The following LRRTM4 variants were observed in gnomAD, a reference collection of about 807,000 sequenced individuals.
LRRTM4 encodes the protein leucine rich repeat transmembrane neuronal 4.
LRRTM4 carries 25 observed loss-of-function variants against 47.6 expected under a neutral mutation model. The ratio of observed to expected loss-of-function variants is 0.53; its 90% CI spans 0.38 to 0.73. The LOEUF (loss-of-function observed/expected upper bound fraction) is 0.73, where lower values mean the gene tolerates loss of function less well. LRRTM4 is among the 30% of genes least tolerant of loss of function. LRRTM4 has a pLI of 0.00. For missense variants in LRRTM4, 638 were observed against 713.4 expected (o/e 0.89, Z 1.20); for synonymous variants, 311 against 269.5 (o/e 1.15, Z -1.51).
At chr2:76,791,346 A>C (rs767956903) in intron 3 of LRRTM4, among the ~76,000 whole-genome samples, 3 of 151,698 alleles carry the variant, frequency 2.0e-5, no homozygotes, top group Non-Finnish European at 2.9e-5. Flanking sequence ...CAACATTCCC[A>C]TGTAGATTTG....
intron 3 of LRRTM4, among the ~76,000 whole-genome samples, chr2:76,788,362 T>C (rs545315799): frequency 3.9e-5 from 6 of 152,266 alleles, no homozygotes; most frequent in South Asian, 2.1e-4. Context: ...TTATCAGAAA[T>C]TGTAAAATTA....
At chr2:76,842,047 G>C (rs946818342) in intron 3 of LRRTM4, among the ~76,000 whole-genome samples, 3 of 152,166 alleles carry the variant, frequency 2.0e-5, no homozygotes, top group East Asian at 3.9e-4. Flanking sequence ...GTGTGTCTAT[G>C]AGGCTGTTTT....
intron 3 of LRRTM4, among the ~76,000 whole-genome samples, chr2:76,884,336 A>C (rs1036683117): frequency 1.3e-5 from 2 of 152,160 alleles, no homozygotes; most frequent in African/African-American, 4.8e-5. Flanking sequence ...AGGGAATTTA[A>C]AGCTAGTTTT....
intron 2 of LRRTM4, 122 bp downstream of exon 2, chr2:77,521,546 C>A: frequency 8.9e-7 from 1 of 1,120,842 alleles, no homozygotes; most frequent in Non-Finnish European, 1.3e-6. Context: ...AATCAACTGG[C>A]AAACTCAAAG....
At chr2:76,935,122 G>A (rs1050468490) in intron 3 of LRRTM4, among the ~76,000 whole-genome samples, 2 of 152,112 alleles carry the variant, frequency 1.3e-5, no homozygotes, top group African/African-American at 4.8e-5. Context: ...TTCAAGAGCA[G>A]GAAAGACAAA....
chr2:76,808,754 C>T (rs532419376), intron 3 of LRRTM4, among the ~76,000 whole-genome samples: 1 of 152,236 alleles, frequency 6.6e-6, no homozygotes, highest in East Asian at 1.9e-4. Context: ...CTGGCCAGGC[C>T]ACTTTCCTGC....
In LRRTM4 at chr2:77,339,295, T is replaced by C. The variant is rs543803015; in HGVS notation, c.1551+179023A>G. Among the ~76,000 whole-genome samples the C allele has an allele frequency of 5.9e-5, 9 of 152,204 alleles. No homozygotes were observed. In the East Asian group the frequency reaches 7.7e-4, roughly 13 times the overall value. ...TTTTAACTGCAATTTACTTAACGTA[T>C]ATTTAAATTTTCTTAAGAATTTTTT... On this transcript the variant is annotated intron_variant, in intron 3 of 3. Coordinates refer to ENST00000409884, the MANE Select transcript of LRRTM4 (RefSeq NM_001134745.3).
intron 3 of LRRTM4, among the ~76,000 whole-genome samples, chr2:76,956,022 T>C (rs1252895902): frequency 6.7e-6 from 1 of 149,114 alleles, no homozygotes; most frequent in Non-Finnish European, 1.5e-5. Context: ...AAAAAAAGCC[T>C]AGAGAGGTTG....
intron 3 of LRRTM4, among the ~76,000 whole-genome samples, chr2:77,355,300 T>A (rs140616312): frequency 4.9e-4 from 74 of 152,246 alleles, no homozygotes; most frequent in African/African-American, 1.8e-3. Context: ...TAATATAACA[T>A]CAAATATCCC....
intron 3 of LRRTM4, among the ~76,000 whole-genome samples, chr2:77,484,539 T>C (rs887426283): frequency 9.9e-5 from 15 of 152,208 alleles, no homozygotes; most frequent in African/African-American, 3.6e-4. Context: ...TTTCTAGTTT[T>C]ATAGTTTATC....
chr2:76,976,732 G>T (rs1676430428), intron 3 of LRRTM4, among the ~76,000 whole-genome samples: 1 of 151,848 alleles, frequency 6.6e-6, no homozygotes, highest in Non-Finnish European at 1.5e-5. Flanking sequence ...TAGATGCAAA[G>T]TGACAGCTGG....
chr2:77,017,669 C>G (rs1470793427), intron 3 of LRRTM4, among the ~76,000 whole-genome samples: 1 of 152,128 alleles, frequency 6.6e-6, no homozygotes, highest in Non-Finnish European at 1.5e-5. Flanking sequence ...CATAACTCCT[C>G]TCCTCCTCCT....
At chr2:77,387,454 G>T (rs1197433105) in intron 3 of LRRTM4, among the ~76,000 whole-genome samples, 1 of 152,120 alleles carries the variant, frequency 6.6e-6, no homozygotes, top group African/African-American at 2.4e-5. Flanking sequence ...AGGTTTGCTA[G>T]CAGCCCTCTT....
intron 3 of LRRTM4, among the ~76,000 whole-genome samples, chr2:77,193,057 C>T (rs1375432890): frequency 6.6e-6 from 1 of 152,140 alleles, no homozygotes; most frequent in East Asian, 1.9e-4. Flanking sequence ...AAAATGTCTA[C>T]TGCTTAGTGA....
intron 3 of LRRTM4, among the ~76,000 whole-genome samples, chr2:77,434,336 A>C (rs13396634): frequency 0.24 from 36,022 of 151,998 alleles, 5,254 homozygotes; most frequent in Non-Finnish European, 0.33. Flanking sequence ...AGATACCAAA[A>C]CAGGCCAATA....
intron 3 of LRRTM4, among the ~76,000 whole-genome samples, chr2:76,968,381 T>TATATATAC (rs1553437943): frequency 6.5e-4 from 76 of 116,158 alleles, no homozygotes; most frequent in African/African-American, 2.4e-3. Context: ...TATATATATA[T>TATATATAC]ATACACATAC....
chr2:77,020,643 GTTCAAAATGAAAAAATATCTC>G (rs1399813222), intron 3 of LRRTM4, among the ~76,000 whole-genome samples: 17 of 152,104 alleles, frequency 1.1e-4, no homozygotes, highest in African/African-American at 4.1e-4. Flanking sequence ...GCCAGAGGTA[GTTCAAAATGAAAAAATATCTC>G]TATGCATGCA....
At chr2:76,846,815 A>T (rs1342140930) in intron 3 of LRRTM4, among the ~76,000 whole-genome samples, 1 of 152,196 alleles carries the variant, frequency 6.6e-6, no homozygotes, top group African/African-American at 2.4e-5. Context: ...GGTTTCCTAG[A>T]AATTTTCATG....
At chr2:77,388,183 T>C (rs1673359216) in intron 3 of LRRTM4, among the ~76,000 whole-genome samples, 1 of 149,422 alleles carries the variant, frequency 6.7e-6, no homozygotes. Flanking sequence ...AAAGTCAGGG[T>C]TCCTGAAAGC....
Sources: gnomAD v4.1 joint callset for allele counts (sites outside exome capture counted in the v4.1 genomes callset) on GRCh38, gnomAD v4.1.1 for gene constraint, MANE v1.5 for transcripts, NCBI Gene and HGNC (gene_info 2026-07-23, HGNC 2026-07-21) for gene names.